Variants in ASXL1 observed in about 807,000 individuals in gnomAD.
ASXL1 encodes the protein polycomb group protein ASXL1.
In ASXL1, 65 loss-of-function variants were observed where a neutral mutation model predicts 89.1. The ratio of observed to expected loss-of-function variants is 0.73; its 90% CI spans 0.60 to 0.90. The LOEUF is 0.90. Among genes scored for constraint, ASXL1 ranks in the 40% least tolerant of loss-of-function variants. ASXL1 has a pLI of 0.00. For missense variants in ASXL1, 1,786 were observed against 1,942.9 expected (o/e 0.92, Z 1.52); for synonymous variants, 739 against 746.9 (o/e 0.99, Z 0.17).
chr20:32,432,018 T>C (rs2011531499), intron 10 of ASXL1, among the ~76,000 whole-genome samples: 1 of 152,204 alleles, frequency 6.6e-6, no homozygotes, highest in Non-Finnish European at 1.5e-5. Flanking sequence ...TCCACCATGC[T>C]CTGTCTTTTT....
chr20:32,409,572 T>C (rs1353130872), intron 4 of ASXL1, among the ~76,000 whole-genome samples: 2 of 152,202 alleles, frequency 1.3e-5, no homozygotes, highest in Admixed American at 6.5e-5. Flanking sequence ...TACTGCTTGC[T>C]GTCTAATGTG....
intron 12 of ASXL1, 130 bp from the exon 13 acceptor site, chr20:32,434,302 A>G: frequency 8.3e-7 from 1 of 1,211,762 alleles, no homozygotes; most frequent in African/African-American, 1.5e-5. Flanking sequence ...TGATGATTTC[A>G]TTGTTTTAAG....
chr20:32,388,255 A>G (rs1014358736), intron 4 of ASXL1, among the ~76,000 whole-genome samples: 2 of 152,084 alleles, frequency 1.3e-5, no homozygotes, highest in African/African-American at 4.8e-5. Context: ...GCTCACTGCA[A>G]CCTCTGTCTT....
In ASXL1 at chr20:32,434,080, GTTCTT is replaced by G. The variant is rs1334793609; in HGVS notation, c.1719+169_1719+173del. 27 of 1,021,458 alleles carry G rather than the reference GTTCTT, an allele frequency of 2.6e-5. No individual in the cohort carries two copies. The Middle Eastern group carries it at 9.4e-4, about 35-fold the overall frequency. 63.3% of individuals were successfully genotyped at this position (1,021,458 alleles called of 1,614,324 possible). A position where few individuals can be genotyped will look rare whatever the true frequency, so the allele number is the denominator to read the frequency against. ...ACAGCCTTCAAGTTTAGTGAGATAG[GTTCTT>G]TTCTTCCTCACTTTTTTGTTCACTC... is the stretch of plus-strand genomic sequence containing the variant. On this transcript the variant is annotated intron_variant, in intron 12 of 12. Transcript: ENST00000375687.
At position 32,428,231 on chromosome 20, in the gene ASXL1, T is replaced by C; in HGVS notation, c.356T>C (p.Val119Ala). 3.7e-6 allele frequency: 6 copies of C among 1,614,136 alleles called. No homozygotes were observed. The highest frequency in any genetic ancestry group is 5.1e-6 in the Non-Finnish European group (6 of 1,180,028). ...ESCGSNEAST[V>A]SGENDVSLDE... ...TGTGGGTCTAATGAAGCCAGCACTGTGAGTGGTGAAAACGATGGTAAGGAC... is the reference window on the plus strand; with the variant it reads ...TGTGGGTCTAATGAAGCCAGCACTGCGAGTGGTGAAAACGATGGTAAGGAC... Residue 119 changes from valine to alanine, a missense_variant, in exon 5 of 13, where the codon GTG becomes GCG. Coordinates refer to ENST00000375687, the MANE Select transcript of ASXL1 (RefSeq NM_015338.6).
chr20:32,367,447 C>T (rs1600472802), intron 2 of ASXL1, among the ~76,000 whole-genome samples: 1 of 152,172 alleles, frequency 6.6e-6, no homozygotes, highest in Non-Finnish European at 1.5e-5. Flanking sequence ...ACTACACAGT[C>T]CTTGCCTGGG....
At chr20:32,428,560 T>G in intron 6 of ASXL1, 138 bp downstream of exon 6, 1 of 820,430 alleles carries the variant, frequency 1.2e-6, no homozygotes, top group South Asian at 1.4e-5. Flanking sequence ...GTTAGTAGCA[T>G]TTAACAGGGG....
intron 4 of ASXL1, among the ~76,000 whole-genome samples, chr20:32,408,690 T>A (rs1055304617): frequency 3.9e-5 from 6 of 152,180 alleles, no homozygotes; most frequent in African/African-American, 1.4e-4. Context: ...GGCGCTGGGA[T>A]TATGTGTGTG....
At chr20:32,400,905 A>G (rs981021638) in intron 4 of ASXL1, among the ~76,000 whole-genome samples, 5 of 152,162 alleles carry the variant, frequency 3.3e-5, no homozygotes, top group Non-Finnish European at 5.9e-5. Context: ...CTTGAAAGCT[A>G]TAGTTTCATG....
In ASXL1 at chr20:32,407,995, T is replaced by C. The variant is rs1031849928; in HGVS notation, c.253-20133T>C. 2.6e-5 allele frequency among the ~76,000 whole-genome samples: 4 copies of C among 152,170 alleles called. No homozygotes were observed. The South Asian group carries it at 8.3e-4, about 31-fold the overall frequency. On this transcript the variant is annotated intron_variant, in intron 4 of 12. Coordinates refer to ENST00000375687, the MANE Select transcript of ASXL1 (RefSeq NM_015338.6). ...CTTTGTCACCCAGGCTGGAGTGCAG[T>C]GGCACAATCTTGGCTCACTGCAATC...
intron 4 of ASXL1, among the ~76,000 whole-genome samples, chr20:32,393,415 C>A (rs1333129057): frequency 1.3e-5 from 2 of 151,860 alleles, no homozygotes; most frequent in Non-Finnish European, 2.9e-5. Flanking sequence ...TTGCTTTTAT[C>A]CAGTTTGATA....
At chr20:32,434,017 G>T (rs1208010260) in intron 12 of ASXL1, 100 bp downstream of exon 12, 31 of 1,517,550 alleles carry the variant, frequency 2.0e-5, no homozygotes, top group Non-Finnish European at 2.7e-5. Flanking sequence ...AGTTAATTAT[G>T]TGGGAATGTA....
intron 4 of ASXL1, among the ~76,000 whole-genome samples, chr20:32,411,260 C>CCAGA (rs2049041782): frequency 8.8e-6 from 1 of 113,176 alleles, no homozygotes; most frequent in African/African-American, 3.3e-5. Context: ...GTCTCATGCG[C>CCAGA]TCTGTCACCC....
intron 4 of ASXL1, among the ~76,000 whole-genome samples, chr20:32,375,986 T>A (rs1008190895): frequency 6.6e-6 from 1 of 152,058 alleles, no homozygotes; most frequent in Non-Finnish European, 1.5e-5. Flanking sequence ...GCCTGGCAGT[T>A]AAGTACATTT....
chr20:32,359,095 C>T (rs1040688634), intron 1 of ASXL1: 14 of 594,804 alleles, frequency 2.4e-5, no homozygotes, highest in African/African-American at 1.3e-4. Context: ...GCTGGCAGGC[C>T]GGCTCCTCCC....
intron 1 of ASXL1, 52 bp downstream of exon 1, chr20:32,358,884 C>G: frequency 7.0e-7 from 1 of 1,432,960 alleles, no homozygotes; most frequent in Non-Finnish European, 9.2e-7. Flanking sequence ...GGGGGGGGCT[C>G]GCCGCGCACC....
chr20:32,429,853 G>A lies in ASXL1; in HGVS notation c.566-48G>A, dbSNP rs760032085. On this transcript the variant is annotated intron_variant, in intron 7 of 12. Transcript: ENST00000375687. The surrounding 1 kb of genome is among the most constrained non-coding windows in gnomAD (Gnocchi z 4.9). ...AGAAATGAGCTTGTCTGAGAGCCATGGGCGCGGCTTGGTGATACTTTTGAC... is the reference window on the plus strand; with the variant it reads ...AGAAATGAGCTTGTCTGAGAGCCATAGGCGCGGCTTGGTGATACTTTTGAC... The A allele has an allele frequency of 6.3e-7, 1 of 1,598,934 alleles. No homozygotes were observed. Among genetic ancestry groups the A allele is most frequent in the African/African-American group, 1.3e-5 (1 of 74,744 alleles).
intron 4 of ASXL1, among the ~76,000 whole-genome samples, chr20:32,376,348 C>T (rs958068609): frequency 6.6e-5 from 10 of 152,138 alleles, no homozygotes; most frequent in African/African-American, 2.4e-4. Context: ...AATCTCGGCT[C>T]ACTGTAACCT....
rs369058266 is a variant in ASXL1, at chr20:32,433,387, C to G, written c.1189C>G (p.Arg397Gly). 1 of 1,614,184 alleles carries G rather than the reference C, an allele frequency of 6.2e-7. No individual in the cohort carries two copies. The highest frequency in any genetic ancestry group is 8.5e-7 in the Non-Finnish European group (1 of 1,180,044). Residue 397 changes from arginine (R) to glycine (G), a missense_variant, in exon 12 of 13, where the codon CGT (arginine) becomes GGT (glycine). Physicochemically the swap from Arg to Gly is moderately radical, Grantham distance 125. Coordinates refer to ENST00000375687, the MANE Select transcript of ASXL1 (RefSeq NM_015338.6). ...CCCAGGAGAATCAGTGCGTATACAG[C>G]GTGGTCCAGCCACCCGACAGCGAGA... ...CVPGESVRIQ[R>G]GPATRQRDGH...
Sources: gnomAD v4.1 joint callset for allele counts (sites outside exome capture counted in the v4.1 genomes callset) on GRCh38, gnomAD v4.1.1 for gene constraint, Gnocchi (gnomAD v3.1) non-coding constraint, MANE v1.5 for transcripts, NCBI Gene and HGNC (gene_info 2026-07-23, HGNC 2026-07-21) for gene names.